The following APPL2 variants were observed in gnomAD, a reference collection of about 807,000 sequenced individuals.
APPL2 encodes the protein adaptor protein, phosphotyrosine interacting with PH domain and leucine zipper 2, also known as DCC-interacting protein 13-beta.
APPL2 carries 84 observed loss-of-function variants against 92.7 expected under a neutral mutation model. The ratio of observed to expected loss-of-function variants is 0.91; its 90% CI spans 0.76 to 1.09. APPL2 has a LOEUF of 1.09. APPL2 is among the 50% of genes least tolerant of loss of function. The probability of loss-of-function intolerance (pLI) is 0.00; values close to 1 mark genes in which losing one functional copy is unlikely to be tolerated. For synonymous variants in APPL2, 291 were observed against 291.0 expected (o/e 1.00, Z 0.00); for missense variants, 736 against 824.5 (o/e 0.89, Z 1.31).
Position 105,236,145 on chromosome 12 carries a change from TC to T in APPL2, c.-134del. The T allele has an allele frequency of 6.1e-6, 2 of 329,918 alleles. No homozygotes were observed. Among genetic ancestry groups the T allele is most frequent in the South Asian group, 1.4e-4 (1 of 7,198 alleles). The allele number at this position is 329,918 out of a possible 1,614,324, so 20.4% of individuals were successfully genotyped here. Reference sequence around the variant, plus strand: ...CGTGCCCGCGGCGGCCCCGCGCGCGTCCACGCCTGGCCAGTGGCCGCCGCCG... The same window carrying T: ...CGTGCCCGCGGCGGCCCCGCGCGCGTCACGCCTGGCCAGTGGCCGCCGCCG... On this transcript the variant is annotated 5_prime_UTR_variant, in exon 1 of 21. Coordinates refer to ENST00000258530, the MANE Select transcript of APPL2 (RefSeq NM_018171.5).
At chr12:105,219,307 G>A (rs1220999273) in intron 2 of APPL2, among the ~76,000 whole-genome samples, 1 of 152,184 alleles carries the variant, frequency 6.6e-6, no homozygotes, top group Non-Finnish European at 1.5e-5. Context: ...CTGCCCTAAG[G>A]AATAGGCATT....
At chr12:105,209,774 A>G (rs113741824) in intron 5 of APPL2, among the ~76,000 whole-genome samples, 327 of 152,286 alleles carry the variant, frequency 2.1e-3, no homozygotes, top group African/African-American at 7.6e-3. Flanking sequence ...AAGCACTAAA[A>G]TTCCTGCTTT....
chr12:105,235,767 C>T (rs1314960059), intron 1 of APPL2, among the ~76,000 whole-genome samples, 192 bp downstream of exon 1: 1 of 152,106 alleles, frequency 6.6e-6, no homozygotes, highest in Admixed American at 6.5e-5. Context: ...TTCCACAGCT[C>T]TGCCCCGGCT....
chr12:105,215,998 G>C (rs1304231657), intron 4 of APPL2, among the ~76,000 whole-genome samples: 2 of 152,284 alleles, frequency 1.3e-5, no homozygotes, highest in Non-Finnish European at 2.9e-5. Context: ...CTGCACTCCA[G>C]CCTGGGAAAC....
chr12:105,225,926 T>C (rs1890464118), intron 2 of APPL2, among the ~76,000 whole-genome samples: 1 of 152,218 alleles, frequency 6.6e-6, no homozygotes, highest in Admixed American at 6.5e-5. Flanking sequence ...AAAATATCTT[T>C]TATGAACACT....
intron 17 of APPL2, among the ~76,000 whole-genome samples, chr12:105,186,524 C>T (rs1886622659): frequency 1.4e-5 from 2 of 147,664 alleles, no homozygotes; most frequent in Non-Finnish European, 3.0e-5. Flanking sequence ...TATTTTTTCA[C>T]AGCAGCTGAA....
chr12:105,174,664 G>A (rs1334892488), intron 20 of APPL2, among the ~76,000 whole-genome samples: 7 of 152,090 alleles, frequency 4.6e-5, no homozygotes, highest in Admixed American at 6.5e-5. Flanking sequence ...TGTTTACGTA[G>A]TCAATTCGTA....
chr12:105,202,392 A>G (rs555191519), intron 9 of APPL2, among the ~76,000 whole-genome samples: 5 of 152,246 alleles, frequency 3.3e-5, no homozygotes, highest in Non-Finnish European at 7.3e-5. Flanking sequence ...ATCTGCAGAA[A>G]GAGGAAACCA....
chr12:105,222,894 G>A (rs139300319), intron 2 of APPL2, among the ~76,000 whole-genome samples: 174 of 152,328 alleles, frequency 1.1e-3, no homozygotes, highest in African/African-American at 4.0e-3. Context: ...TCAGGCTTGC[G>A]GTCAGTCTCA....
intron 1 of APPL2, among the ~76,000 whole-genome samples, chr12:105,232,474 A>G (rs1005139828): frequency 6.6e-6 from 1 of 152,238 alleles, no homozygotes; most frequent in Non-Finnish European, 1.5e-5. Context: ...TCTTATCTCC[A>G]TAATTTGGTG....
At chr12:105,188,826 A>G (rs1437519673) in intron 16 of APPL2, among the ~76,000 whole-genome samples, 1 of 152,208 alleles carries the variant, frequency 6.6e-6, no homozygotes, top group Non-Finnish European at 1.5e-5. Context: ...AAGTCCTCTT[A>G]GAAAAGAAAT....
intron 17 of APPL2, among the ~76,000 whole-genome samples, chr12:105,180,708 AT>A: frequency 6.6e-6 from 1 of 152,036 alleles, no homozygotes; most frequent in South Asian, 2.1e-4. Context: ...ATTCCTAGGT[AT>A]TTTATTCTCT....
chr12:105,179,650 C>G (rs918663580), intron 17 of APPL2, among the ~76,000 whole-genome samples: 2 of 152,162 alleles, frequency 1.3e-5, no homozygotes, highest in Non-Finnish European at 2.9e-5. Context: ...TCTGTTGTTT[C>G]CTGACTTTTT....
At chr12:105,199,703 C>T (rs1193069706) in intron 9 of APPL2, among the ~76,000 whole-genome samples, 172 bp from the exon 10 acceptor site, 2 of 152,194 alleles carry the variant, frequency 1.3e-5, no homozygotes, top group Non-Finnish European at 2.9e-5. Context: ...AACTATGAAT[C>T]ACAGGGACTC....
chr12:105,203,232 G>A (rs1251990135), intron 9 of APPL2, among the ~76,000 whole-genome samples: 1 of 152,198 alleles, frequency 6.6e-6, no homozygotes, highest in East Asian at 1.9e-4. Context: ...AGTTAGTGTG[G>A]CAGTTACTCA....
At chr12:105,190,513 G>A (rs1293666773) in intron 14 of APPL2, among the ~76,000 whole-genome samples, 1 of 152,190 alleles carries the variant, frequency 6.6e-6, no homozygotes, top group East Asian at 1.9e-4. Flanking sequence ...ATGAACCAAA[G>A]GTCCTGGCTT....
intron 17 of APPL2, among the ~76,000 whole-genome samples, chr12:105,186,579 C>A (rs1886626102): frequency 7.9e-6 from 1 of 126,462 alleles, no homozygotes; most frequent in Non-Finnish European, 1.6e-5. Context: ...TTCTTCACAT[C>A]CTTGCTAAAC....
chr12:105,232,964 T>C (rs1485945555), intron 1 of APPL2: 1 of 533,458 alleles, frequency 1.9e-6, no homozygotes, highest in East Asian at 1.5e-4. Flanking sequence ...CTCAACTGCA[T>C]AACCTCAGAA....
At chr12:105,206,358 C>T (rs775885674) in intron 8 of APPL2, among the ~76,000 whole-genome samples, 6 of 152,128 alleles carry the variant, frequency 3.9e-5, no homozygotes, top group Admixed American at 6.5e-5. Flanking sequence ...GCCTTTCTCA[C>T]GGGCCAAAGG....
Sources: allele counts gnomAD v4.1 joint callset (sites outside exome capture counted in the v4.1 genomes callset), GRCh38; gene constraint gnomAD v4.1.1; transcripts MANE v1.5; gene names NCBI Gene and HGNC (gene_info 2026-07-23, HGNC 2026-07-21).